Variants in LRMDA observed in about 807,000 individuals in gnomAD.
LRMDA encodes the protein leucine-rich melanocyte differentiation-associated protein.
A neutral mutation model predicts 29.8 loss-of-function variants in LRMDA; 18 were observed. The observed-to-expected ratio is 0.60, with a 90% CI of 0.42 to 0.90. LRMDA has a LOEUF of 0.90. Ranked by LOEUF, LRMDA falls within the 40% of genes least tolerant of loss-of-function variation. The pLI, the probability that LRMDA is intolerant of heterozygous loss-of-function variation, is 0.00. For synonymous variants in LRMDA, 125 were observed against 109.4 expected (o/e 1.14, Z -0.89); for missense variants, 273 against 273.9 (o/e 1.00, Z 0.02).
intron 5 of LRMDA, among the ~76,000 whole-genome samples, chr10:76,112,019 ATTATGGGAGGTC>A (rs371820601): frequency 1.3e-5 from 2 of 152,338 alleles, no homozygotes; most frequent in African/African-American, 4.8e-5. Flanking sequence ...AGAGAAGCAC[ATTATGGGAGGTC>A]AAGTGACTTT....
chr10:76,187,160 A>T (rs1324962651), intron 5 of LRMDA, among the ~76,000 whole-genome samples: 2 of 152,160 alleles, frequency 1.3e-5, no homozygotes, highest in Non-Finnish European at 2.9e-5. Flanking sequence ...ATGCTGTCAC[A>T]TCTAAAAGGA....
At chr10:75,529,090 A>G (rs1845446772) in intron 2 of LRMDA, among the ~76,000 whole-genome samples, 1 of 152,222 alleles carries the variant, frequency 6.6e-6, no homozygotes, top group Non-Finnish European at 1.5e-5. Context: ...ATAACTGGGA[A>G]TTATTTCAGG....
intron 1 of LRMDA, among the ~76,000 whole-genome samples, chr10:75,433,541 T>A (rs760227768): frequency 6.6e-6 from 1 of 152,082 alleles, no homozygotes; most frequent in African/African-American, 2.4e-5. Context: ...GGAGGTGGTT[T>A]TTTTGTTTGT....
At chr10:76,497,616 C>A (rs1842886665) in intron 6 of LRMDA, among the ~76,000 whole-genome samples, 1 of 75,402 alleles carries the variant, frequency 1.3e-5, no homozygotes, top group Admixed American at 1.2e-4. Flanking sequence ...AAGAGGAAAC[C>A]AACCAACCAA....
rs1042858468 is a variant in LRMDA at position 75,483,301 on chromosome 10, C to A, written c.131+44807C>A. 3.3e-5 allele frequency among the ~76,000 whole-genome samples: 5 copies of A among 152,256 alleles called. No homozygotes were observed. In the East Asian group the frequency reaches 9.6e-4, roughly 29 times the overall value. On this transcript the variant is annotated intron_variant, in intron 2 of 6. Transcript: ENST00000611255. ...TGACATTCATCATTTTCCCCATGAA[C>A]AAATAGGTACATTTTCATAGATAAT... is the stretch of plus-strand genomic sequence containing the variant.
At chr10:75,845,945 A>G (rs370992925) in intron 2 of LRMDA, among the ~76,000 whole-genome samples, 2 of 152,104 alleles carry the variant, frequency 1.3e-5, no homozygotes, top group South Asian at 2.1e-4. Context: ...AGCAATTTGG[A>G]GTATATAGTC....
chr10:75,574,942 C>T (rs1840484056), intron 2 of LRMDA, among the ~76,000 whole-genome samples: 1 of 152,170 alleles, frequency 6.6e-6, no homozygotes, highest in Non-Finnish European at 1.5e-5. Context: ...CACTGTTCTG[C>T]AGGCTGTAGA....
chr10:75,818,370 A>G (rs935681410), intron 2 of LRMDA, among the ~76,000 whole-genome samples: 2 of 152,214 alleles, frequency 1.3e-5, no homozygotes, highest in Non-Finnish European at 2.9e-5. Context: ...TCTGTTATAC[A>G]CTGGGAACTC....
At chr10:75,623,489 C>T (rs920935121) in intron 2 of LRMDA, among the ~76,000 whole-genome samples, 2 of 152,192 alleles carry the variant, frequency 1.3e-5, no homozygotes, top group Admixed American at 1.3e-4. Context: ...CTGCACACAG[C>T]TCAAGCCACA....
At chr10:75,609,359 T>C (rs571464363) in intron 2 of LRMDA, among the ~76,000 whole-genome samples, 1 of 152,328 alleles carries the variant, frequency 6.6e-6, no homozygotes, top group African/African-American at 2.4e-5. Context: ...GGCAATTAAT[T>C]GGAACTTAAA....
chr10:76,552,012 A>C lies in LRMDA; in HGVS notation c.602-5197A>C, dbSNP rs188046275. Among the ~76,000 whole-genome samples, 602 of 152,284 alleles carry C rather than the reference A, an allele frequency of 4.0e-3. 3 individuals carry two copies. Among genetic ancestry groups the C allele is most frequent in the African/African-American group, 0.013 (551 of 41,550 alleles). On this transcript the variant is annotated intron_variant, in intron 6 of 6. Coordinates refer to ENST00000611255, the MANE Select transcript of LRMDA (RefSeq NM_001305581.2). Reference sequence around the variant, plus strand: ...CTCCTAGTATCACAATGGGATCAAGATATGTTTGTGATTTCATAGCTACAT... The same window carrying C: ...CTCCTAGTATCACAATGGGATCAAGCTATGTTTGTGATTTCATAGCTACAT...
intron 2 of LRMDA, among the ~76,000 whole-genome samples, chr10:75,700,374 C>T (rs1842290375): frequency 1.3e-5 from 2 of 148,868 alleles, no homozygotes; most frequent in Admixed American, 1.3e-4. Flanking sequence ...TTGGTGAGTG[C>T]AAAGAATTTT....
At chr10:76,030,650 G>A (rs960709155) in intron 2 of LRMDA, among the ~76,000 whole-genome samples, 23 of 152,186 alleles carry the variant, frequency 1.5e-4, no homozygotes, top group African/African-American at 4.8e-4. Context: ...TTAGCTGGGC[G>A]TGGTGGCGGA....
At chr10:75,732,356 T>C (rs780134558) in intron 2 of LRMDA, among the ~76,000 whole-genome samples, 20 of 152,222 alleles carry the variant, frequency 1.3e-4, no homozygotes, top group Non-Finnish European at 2.4e-4. Flanking sequence ...TGCTCTCCTC[T>C]AACATTTGCA....
intron 2 of LRMDA, among the ~76,000 whole-genome samples, chr10:75,917,584 T>C (rs975438649): frequency 1.3e-5 from 2 of 152,150 alleles, no homozygotes; most frequent in Admixed American, 6.5e-5. Context: ...GTGACAAATA[T>C]CAACGAATGG....
At chr10:75,972,549 T>G (rs1428574546) in intron 2 of LRMDA, among the ~76,000 whole-genome samples, 1 of 151,400 alleles carries the variant, frequency 6.6e-6, no homozygotes, top group African/African-American at 2.4e-5. Flanking sequence ...GAATTTTCTC[T>G]TTTTTTTTAC....
At chr10:75,434,581 A>G (rs1480766307) in intron 1 of LRMDA, among the ~76,000 whole-genome samples, 1 of 152,184 alleles carries the variant, frequency 6.6e-6, no homozygotes, top group Non-Finnish European at 1.5e-5. Context: ...AGTACCACAC[A>G]TACACTTATT....
chr10:76,510,545 G>A (rs1843000666), intron 6 of LRMDA, among the ~76,000 whole-genome samples: 1 of 152,168 alleles, frequency 6.6e-6, no homozygotes, highest in Non-Finnish European at 1.5e-5. Flanking sequence ...CACAGACAGG[G>A]AGATCAGAAG....
At chr10:75,984,236 T>G (rs1241167144) in intron 2 of LRMDA, among the ~76,000 whole-genome samples, 1 of 148,078 alleles carries the variant, frequency 6.8e-6, no homozygotes, top group Non-Finnish European at 1.5e-5. Flanking sequence ...CCCTGGGTCC[T>G]GCAAGGCCAG....
Sources: gnomAD v4.1 joint callset for allele counts (sites outside exome capture counted in the v4.1 genomes callset) on GRCh38, gnomAD v4.1.1 for gene constraint, MANE v1.5 for transcripts, NCBI Gene and HGNC (gene_info 2026-07-23, HGNC 2026-07-21) for gene names.